The following DNAH6 variants were observed in gnomAD, a reference collection of about 807,000 sequenced individuals.
The protein encoded by DNAH6 is dynein axonemal heavy chain 6.
A neutral mutation model predicts 491.4 loss-of-function variants in DNAH6; 340 were observed. That is an observed-to-expected ratio of 0.69 (90% CI 0.63 to 0.76). The LOEUF is 0.76. Ranked by LOEUF, DNAH6 falls within the 30% of genes least tolerant of loss-of-function variation. DNAH6 has a pLI of 0.00. For synonymous variants in DNAH6, 1,603 were observed against 1,686.1 expected (o/e 0.95, Z 1.21); for missense variants, 4,443 against 4,972.2 (o/e 0.89, Z 3.20).
chr2:84,517,817 A>G lies in DNAH6; in HGVS notation c.-8-2A>G. The G allele has an allele frequency of 6.5e-7, 1 of 1,546,084 alleles. No homozygotes were observed. Among genetic ancestry groups the G allele is most frequent in the Middle Eastern group, 1.9e-4 (1 of 5,264 alleles). ...TTCTTTTTCCTCACCTATTCTTTTC[A>G]GGAGTAAGGATGACTTTTCGGGCCA... is the stretch of plus-strand genomic sequence containing the variant. On this transcript the variant is annotated splice_acceptor_variant, in intron 1 of 76. Coordinates refer to ENST00000389394, the MANE Select transcript of DNAH6 (RefSeq NM_001370.2). LOFTEE classifies it low-confidence loss of function (5UTR_SPLICE).
Position 84,517,971 on chromosome 2 carries a change from C to CA in DNAH6, c.148dup (p.Ile50AsnfsTer5). 1 of 1,545,172 alleles carries CA rather than the reference C, an allele frequency of 6.5e-7. No homozygotes were observed. Among genetic ancestry groups the CA allele is most frequent in the South Asian group, 1.2e-5 (1 of 83,960 alleles). On this transcript the variant is annotated frameshift_variant, in exon 2 of 77. Transcript: ENST00000389394. LOFTEE classifies it high-confidence loss of function. ...ATCCACAGAAAATGAATCTGATACACAAATCCTAACGTTTAGGCACATTAC... is the reference window on the plus strand; with the variant it reads ...ATCCACAGAAAATGAATCTGATACACAAAATCCTAACGTTTAGGCACATTAC...
At chr2:84,703,153 C>T (rs1346068490) in intron 49 of DNAH6, among the ~76,000 whole-genome samples, 5 of 152,220 alleles carry the variant, frequency 3.3e-5, no homozygotes, top group African/African-American at 4.8e-5. Context: ...AGCCCAGTGA[C>T]GTCCCACTGC....
chr2:84,534,853 T>C (rs919176745), intron 4 of DNAH6, among the ~76,000 whole-genome samples: 2 of 152,034 alleles, frequency 1.3e-5, no homozygotes, highest in African/African-American at 4.8e-5. Flanking sequence ...ATGGTTCTCA[T>C]GATTTTTTAG....
the DNAH6 span, among the ~76,000 whole-genome samples, chr2:84,481,153 G>T: frequency 6.6e-6 from 1 of 152,070 alleles, no homozygotes; most frequent in Non-Finnish European, 1.5e-5. Context: ...GGGCAGCAGT[G>T]GGCAGCAGAC....
chr2:84,676,628 T>C (rs928269255), intron 40 of DNAH6, among the ~76,000 whole-genome samples: 4 of 152,226 alleles, frequency 2.6e-5, no homozygotes, highest in Admixed American at 1.3e-4. Flanking sequence ...CAGTAACCAC[T>C]AATCCAGTGC....
the DNAH6 span, among the ~76,000 whole-genome samples, chr2:84,477,995 G>A: frequency 1.3e-5 from 2 of 152,314 alleles, no homozygotes; most frequent in East Asian, 3.9e-4. Flanking sequence ...CAGTGTACTT[G>A]TATGTACACT....
intron 11 of DNAH6, among the ~76,000 whole-genome samples, chr2:84,571,588 A>C (rs964438963): frequency 6.6e-6 from 1 of 152,116 alleles, no homozygotes; most frequent in African/African-American, 2.4e-5. Context: ...AAGGTCATGC[A>C]AGGCAAAGAA....
chr2:84,524,652 A>G (rs571671320), intron 2 of DNAH6, among the ~76,000 whole-genome samples: 2 of 152,154 alleles, frequency 1.3e-5, no homozygotes, highest in African/African-American at 4.8e-5. Flanking sequence ...ATCCCTCAAC[A>G]TCTGCATATT....
intron 11 of DNAH6, among the ~76,000 whole-genome samples, chr2:84,564,622 T>C (rs1680995277): frequency 6.6e-6 from 1 of 152,194 alleles, no homozygotes. Context: ...TATAGAATTA[T>C]ATCATCAGCA....
rs1416972702 is a variant in DNAH6, at chr2:84,606,993, C to T, written c.3192C>T (p.Ser1064=). The change falls in exon 21 of 77, where the codon AGC becomes AGT. Residue 1064 remains serine (S), a synonymous_variant. Coordinates refer to ENST00000389394, the MANE Select transcript of DNAH6 (RefSeq NM_001370.2). ...CTTTAAAGGTCCTTCTTGATGATAGCACCATCAATGTTGCAACTCTTGCCT... is the reference window on the plus strand; with the variant it reads ...CTTTAAAGGTCCTTCTTGATGATAGTACCATCAATGTTGCAACTCTTGCCT... ...TDDIQVLLDD[S]TINVATLASS... is the part of the protein sequence containing the mutation. The T allele has an allele frequency of 9.7e-6, 15 of 1,550,910 alleles. No individual in the cohort carries two copies. The highest frequency in any genetic ancestry group is 1.4e-5 in the African/African-American group (1 of 73,020).
intron 23 of DNAH6, 100 bp downstream of exon 23, chr2:84,617,082 A>G (rs1686928587): frequency 1.4e-5 from 9 of 636,260 alleles, no homozygotes; most frequent in Non-Finnish European, 2.1e-5. Flanking sequence ...AACTAGAGAG[A>G]GAAACAAAAA....
intron 63 of DNAH6, among the ~76,000 whole-genome samples, chr2:84,753,846 G>A (rs1484522749): frequency 1.0e-4 from 13 of 128,826 alleles, no homozygotes; most frequent in Non-Finnish European, 1.6e-5. Flanking sequence ...TTTTTTTTGA[G>A]ACATAGTCTC....
chr2:84,631,448 C>T (rs1688387377), intron 29 of DNAH6, among the ~76,000 whole-genome samples: 1 of 152,056 alleles, frequency 6.6e-6, no homozygotes, highest in African/African-American at 2.4e-5. Context: ...GTCCTCATGC[C>T]TAATATCTGT....
At chr2:84,816,185 A>G in intron 76 of DNAH6, 102 bp downstream of exon 76, 1 of 894,808 alleles carries the variant, frequency 1.1e-6, no homozygotes, top group African/African-American at 1.7e-5. Flanking sequence ...CCTTGGGCCA[A>G]TAAACTAGAC....
chr2:84,567,232 G>T (rs1681296827), intron 11 of DNAH6, among the ~76,000 whole-genome samples: 2 of 151,996 alleles, frequency 1.3e-5, no homozygotes, highest in African/African-American at 4.8e-5. Flanking sequence ...TCCAATACTA[G>T]AGAGAGGGGA....
chr2:84,508,997 C>G, the DNAH6 span, among the ~76,000 whole-genome samples: 1 of 152,076 alleles, frequency 6.6e-6, no homozygotes, highest in Non-Finnish European at 1.5e-5. Flanking sequence ...ACTATGTGGT[C>G]AATTTTGGAA....
intron 2 of DNAH6, among the ~76,000 whole-genome samples, chr2:84,518,686 A>ATATATT (rs1400142246): frequency 6.6e-6 from 1 of 152,196 alleles, no homozygotes; most frequent in East Asian, 1.9e-4. Context: ...CTACTCATGT[A>ATATATT]TATTAAAAGT....
At chr2:84,783,662 G>A (rs754366751) in intron 65 of DNAH6, among the ~76,000 whole-genome samples, 24 of 152,098 alleles carry the variant, frequency 1.6e-4, no homozygotes, top group Non-Finnish European at 3.2e-4. Context: ...AATAATTAAG[G>A]GCCTAGTGTA....
chr2:84,599,237 A>G (rs866537781), intron 18 of DNAH6, among the ~76,000 whole-genome samples: 2 of 44,274 alleles, frequency 4.5e-5, no homozygotes, highest in Non-Finnish European at 2.0e-4. Flanking sequence ...GTTTTTTTTC[A>G]GATATGTAAC....
Sources: gnomAD v4.1 joint callset for allele counts (sites outside exome capture counted in the v4.1 genomes callset) on GRCh38, gnomAD v4.1.1 for gene constraint, MANE v1.5 for transcripts, NCBI Gene and HGNC (gene_info 2026-07-23, HGNC 2026-07-21) for gene names.